MBNL3: variants seen among roughly 807,000 people sequenced by gnomAD.
The protein encoded by MBNL3 is muscleblind-like protein 3.
In MBNL3, 6 loss-of-function variants were observed where a neutral mutation model predicts 24.5. The ratio of observed to expected loss-of-function variants is 0.25; its 90% CI spans 0.13 to 0.48. The LOEUF (loss-of-function observed/expected upper bound fraction) is 0.48, where lower values mean the gene tolerates loss of function less well. Ranked by LOEUF, MBNL3 falls within the 20% of genes least tolerant of loss-of-function variation. The pLI is 0.99. For synonymous variants in MBNL3, 100 were observed against 101.7 expected, an observed-to-expected ratio of 0.98 and a Z score of 0.10; for missense variants, 230 against 293.5, an observed-to-expected ratio of 0.78 and a Z score of 1.58.
At chrX:132,407,889 T>C (rs1372893037) in intron 2 of MBNL3, among the ~76,000 whole-genome samples, 1 of 109,632 alleles carries the variant, frequency 9.1e-6, no homozygotes, top group Admixed American at 9.8e-5. Flanking sequence ...TGCTAGTTTA[T>C]ACTTCTACTT....
intron 1 of MBNL3, among the ~76,000 whole-genome samples, chrX:132,461,593 A>G (rs1402142188): frequency 9.0e-6 from 1 of 111,466 alleles, no homozygotes; most frequent in Non-Finnish European, 1.9e-5. Flanking sequence ...TATCAGAGGC[A>G]GCATATGATT....
intron 1 of MBNL3, among the ~76,000 whole-genome samples, chrX:132,456,540 C>A (rs1434311709): frequency 8.9e-6 from 1 of 111,958 alleles, no homozygotes; most frequent in African/African-American, 3.2e-5. Flanking sequence ...ATTTTATATT[C>A]ATTTTCTCAT....
chrX:132,411,211 C>T, intron 2 of MBNL3: 1 of 754,397 alleles, frequency 1.3e-6, no homozygotes, highest in Non-Finnish European at 1.6e-6. Context: ...TGTCCCAACT[C>T]TGTTTTCTTG....
chrX:132,415,387 G>T (rs889049311), intron 2 of MBNL3, among the ~76,000 whole-genome samples: 30 of 112,172 alleles, frequency 2.7e-4, no homozygotes, highest in African/African-American at 9.7e-4. Flanking sequence ...TATAAGGTGA[G>T]AAAGGCACTG....
chrX:132,471,502 T>C (rs1267419176), intron 1 of MBNL3, among the ~76,000 whole-genome samples: 1 of 111,608 alleles, frequency 9.0e-6, no homozygotes, highest in Non-Finnish European at 1.9e-5. Flanking sequence ...CTGCGCAACA[T>C]AGCAGACCCT....
chrX:132,422,710 GA>G (rs753723099), intron 2 of MBNL3, among the ~76,000 whole-genome samples: 13 of 111,913 alleles, frequency 1.2e-4, no homozygotes, highest in African/African-American at 4.2e-4. Context: ...AGAATCCTGA[GA>G]ATTATGAAGC....
At position 132,369,622 on chromosome X, in the gene MBNL3, T is replaced by G. The variant is rs1475598975; in HGVS notation, c.*10044A>C. ...GCTGACTGCAGGCTCCTCAGATTCT[T>G]TCTCCATTCCCTCAAGTCCAGTTTT... On this transcript the variant is annotated 3_prime_UTR_variant, in exon 9 of 9. Transcript: ENST00000370853. 8.9e-6 allele frequency: 1 copy of G among 112,075 alleles called. No homozygotes were observed. The highest frequency in any genetic ancestry group is 1.9e-5 in the Non-Finnish European group (1 of 53,216). 9.2% of individuals were successfully genotyped at this position (112,075 alleles called of 1,213,427 possible).
intron 1 of MBNL3, among the ~76,000 whole-genome samples, chrX:132,460,689 C>T (rs1946584702): frequency 8.9e-6 from 1 of 111,761 alleles, no homozygotes; most frequent in African/African-American, 3.2e-5. Context: ...TTTATAGTGG[C>T]TCAATTTTTT....
At chrX:132,450,276 C>G (rs1280980060) in intron 1 of MBNL3, among the ~76,000 whole-genome samples, 2 of 111,731 alleles carry the variant, frequency 1.8e-5, no homozygotes, top group Non-Finnish European at 3.8e-5. Flanking sequence ...TGGTTCCATT[C>G]TCCCCATCAC....
Position 132,390,751 on chromosome X carries a change from G to T in MBNL3, c.771+96C>A. On this transcript the variant is annotated intron_variant, in intron 5 of 8. Transcript: ENST00000370853. ...ACTGTTCATATTAAGGTCCTCTCAT[G>T]ACCATCCATGAGTATGGTTACAGGA... The T allele has an allele frequency of 4.4e-6, 3 of 683,946 alleles. No homozygotes were observed. The South Asian group carries it at 7.7e-5, about 18-fold the overall frequency. 56.4% of individuals were successfully genotyped at this position (683,946 alleles called of 1,213,427 possible).
intron 1 of MBNL3, among the ~76,000 whole-genome samples, chrX:132,476,302 T>A (rs1442860016): frequency 8.9e-6 from 1 of 111,847 alleles, no homozygotes; most frequent in Non-Finnish European, 1.9e-5. Context: ...TATGTCCAAA[T>A]CATTGCAGGC....
chrX:132,418,944 T>C (rs1437747395), intron 2 of MBNL3, among the ~76,000 whole-genome samples: 1 of 111,741 alleles, frequency 8.9e-6, no homozygotes, highest in African/African-American at 3.3e-5. Context: ...CAGCTAATTT[T>C]TGTATTTTTT....
intron 3 of MBNL3, among the ~76,000 whole-genome samples, chrX:132,396,949 C>CAT (rs375202529): frequency 2.9e-3 from 182 of 63,029 alleles, no homozygotes; most frequent in African/African-American, 9.6e-3. Flanking sequence ...TATATATATT[C>CAT]ATATATATTC....
chrX:132,453,779 T>C (rs185961315), intron 1 of MBNL3, among the ~76,000 whole-genome samples: 6 of 111,433 alleles, frequency 5.4e-5, no homozygotes, highest in Non-Finnish European at 1.1e-4. Flanking sequence ...GCAGCACCCC[T>C]TTCAAACCAG....
intron 1 of MBNL3, among the ~76,000 whole-genome samples, chrX:132,467,690 A>G (rs1299108837): frequency 1.8e-5 from 2 of 111,958 alleles, no homozygotes; most frequent in Admixed American, 1.9e-4. Context: ...ACCCCAGACT[A>G]AGTCGCACAT....
chrX:132,396,478 ATATATATTCCTATATATATTCC>A (rs1198917696), intron 3 of MBNL3, among the ~76,000 whole-genome samples: 2 of 69,174 alleles, frequency 2.9e-5, no homozygotes, highest in Admixed American at 1.9e-4. Context: ...ATATATATTC[ATATATATTCCTATATATATTCC>A]TATATATATT....
intron 1 of MBNL3, among the ~76,000 whole-genome samples, chrX:132,454,248 T>TACAC (rs757255246): frequency 5.6e-5 from 6 of 108,000 alleles, no homozygotes; most frequent in Non-Finnish European, 9.7e-5. Context: ...CACACACACA[T>TACAC]ACACACACAC....
At chrX:132,450,800 G>T (rs1475992511) in intron 1 of MBNL3, among the ~76,000 whole-genome samples, 4 of 112,525 alleles carry the variant, frequency 3.6e-5, no homozygotes, top group African/African-American at 1.3e-4. Flanking sequence ...CATCTTCATG[G>T]ATTTATCTAC....
At chrX:132,432,228 CTGAT>C (rs1354173866) in intron 2 of MBNL3, 1 of 111,487 alleles carries the variant, frequency 9.0e-6, no homozygotes, top group Non-Finnish European at 1.9e-5. Flanking sequence ...TGGAGGTCAA[CTGAT>C]TAACTGGGGA....
Sources: gnomAD v4.1 joint callset for allele counts (sites outside exome capture counted in the v4.1 genomes callset) on GRCh38, gnomAD v4.1.1 for gene constraint, MANE v1.5 for transcripts, NCBI Gene and HGNC (gene_info 2026-07-23, HGNC 2026-07-21) for gene names.